The following ACCSL variants were observed in gnomAD, a reference collection of about 807,000 sequenced individuals.
The protein encoded by ACCSL is 1-aminocyclopropane-1-carboxylate synthase homolog (inactive) like.
A neutral mutation model predicts 61.7 loss-of-function variants in ACCSL; 55 were observed. The observed-to-expected ratio is 0.89, with a 90% CI of 0.72 to 1.12. ACCSL has a LOEUF of 1.12. ACCSL is among the 50% of genes most tolerant of loss of function. ACCSL has a pLI of 0.00. For missense variants in ACCSL, 632 were observed against 698.0 expected (o/e 0.91, Z 1.07); for synonymous variants, 258 against 264.3 (o/e 0.98, Z 0.23).
At chr11:43,933,451 G>C in the ACCSL span, 1 of 215,822 alleles carries the variant, frequency 4.6e-6, no homozygotes, top group African/African-American at 2.2e-5. Context: ...CCCCTCTCTG[G>C]TCTTCTCTGT....
At chr11:43,982,763 T>A in the ACCSL span, among the ~76,000 whole-genome samples, 13 of 152,130 alleles carry the variant, frequency 8.5e-5, no homozygotes, top group Non-Finnish European at 2.9e-5. Flanking sequence ...AAGTCATTCC[T>A]CCTGTGGAGG....
chr11:44,014,060 G>A, the ACCSL span, among the ~76,000 whole-genome samples: 1 of 152,250 alleles, frequency 6.6e-6, no homozygotes, highest in African/African-American at 2.4e-5. Context: ...GCAGATAAGG[G>A]TTCTTTTTGT....
At chr11:44,010,147 C>A in the ACCSL span, among the ~76,000 whole-genome samples, 1 of 152,158 alleles carries the variant, frequency 6.6e-6, no homozygotes, top group African/African-American at 2.4e-5. Context: ...TTGAGACCAG[C>A]CTGACCAACA....
the ACCSL span, among the ~76,000 whole-genome samples, chr11:43,930,267 C>G: frequency 6.6e-6 from 1 of 152,284 alleles, no homozygotes; most frequent in Non-Finnish European, 1.5e-5. Context: ...CTGCCTCTGG[C>G]TCCTGGGAAA....
the ACCSL span, among the ~76,000 whole-genome samples, chr11:44,038,290 C>A: frequency 6.6e-6 from 1 of 151,978 alleles, no homozygotes; most frequent in Non-Finnish European, 1.5e-5. Context: ...ACAGAGTAGC[C>A]CAGACGCTGG....
chr11:43,980,311 C>T, the ACCSL span, among the ~76,000 whole-genome samples: 1 of 152,190 alleles, frequency 6.6e-6, no homozygotes, highest in African/African-American at 2.4e-5. Context: ...AGGAGATGTT[C>T]TCATAAGTAA....
the ACCSL span, among the ~76,000 whole-genome samples, chr11:44,031,412 T>C: frequency 6.6e-6 from 1 of 152,142 alleles, no homozygotes; most frequent in Non-Finnish European, 1.5e-5. Context: ...TGGTATTGAT[T>C]TTTGAAGATG....
chr11:44,056,393 G>A, intron 11 of ACCSL, 67 bp downstream of exon 11: 3 of 1,550,292 alleles, frequency 1.9e-6, no homozygotes, highest in Non-Finnish European at 1.7e-6. Flanking sequence ...TCTTGGATTT[G>A]CTTGGGCCTC....
rs976611901 is a variant in ACCSL, at chr11:44,051,781, C to T, written c.772+62C>T. On this transcript the variant is annotated intron_variant, in intron 5 of 13. Coordinates refer to ENST00000378832, the MANE Select transcript of ACCSL (RefSeq NM_001031854.2). ...TACTAGCAACACAGGTAGGAACACACGGGCACTGGACTTTGAGGAAGAAGA... is the reference window on the plus strand; with the variant it reads ...TACTAGCAACACAGGTAGGAACACATGGGCACTGGACTTTGAGGAAGAAGA... 5.2e-5 allele frequency: 83 copies of T among 1,590,380 alleles called. No homozygotes were observed. The East Asian group carries it at 1.5e-3, about 28-fold the overall frequency.
At chr11:43,926,458 G>C in the ACCSL span, 1 of 455,508 alleles carries the variant, frequency 2.2e-6, no homozygotes, top group Non-Finnish European at 4.4e-6. Flanking sequence ...TGTACAGAAC[G>C]CCTTGGCCTG....
chr11:43,959,614 C>A, the ACCSL span, among the ~76,000 whole-genome samples: 1 of 152,168 alleles, frequency 6.6e-6, no homozygotes, highest in Admixed American at 6.5e-5. Flanking sequence ...CAGACCCTAG[C>A]CCTGGCTCTA....
the ACCSL span, among the ~76,000 whole-genome samples, chr11:43,937,689 C>G: frequency 6.6e-6 from 1 of 152,028 alleles, no homozygotes; most frequent in East Asian, 1.9e-4. Flanking sequence ...ACTGCCACCT[C>G]CACCCCTCAC....
At chr11:43,937,795 T>TCAGAG in the ACCSL span, among the ~76,000 whole-genome samples, 2 of 152,086 alleles carry the variant, frequency 1.3e-5, no homozygotes, top group Non-Finnish European at 2.9e-5. Flanking sequence ...AGACCCCAAG[T>TCAGAG]TAGAGTAGTT....
At chr11:44,028,823 T>C in the ACCSL span, among the ~76,000 whole-genome samples, 1 of 152,254 alleles carries the variant, frequency 6.6e-6, no homozygotes, top group African/African-American at 2.4e-5. Flanking sequence ...ATGAGGGTCA[T>C]GTGGAATCAT....
chr11:44,011,316 T>G, the ACCSL span, among the ~76,000 whole-genome samples: 1 of 152,208 alleles, frequency 6.6e-6, no homozygotes, highest in African/African-American at 2.4e-5. Context: ...GCACTCATCG[T>G]GGTCCTAGCT....
the ACCSL span, among the ~76,000 whole-genome samples, chr11:44,039,498 C>CG: frequency 6.7e-6 from 1 of 150,232 alleles, no homozygotes; most frequent in Non-Finnish European, 1.5e-5. Flanking sequence ...TTTGGGGACT[C>CG]GGGGGGAAAG....
At chr11:43,997,356 G>A in the ACCSL span, among the ~76,000 whole-genome samples, 17 of 152,126 alleles carry the variant, frequency 1.1e-4, no homozygotes, top group Admixed American at 5.2e-4. Flanking sequence ...GGATTCTTCC[G>A]GCTTCCTCCT....
intron 6 of ACCSL, 78 bp from the exon 7 acceptor site, chr11:44,052,912 AG>A: frequency 6.6e-7 from 1 of 1,509,706 alleles, no homozygotes; most frequent in Non-Finnish European, 9.2e-7. Flanking sequence ...ATGAAGGCAA[AG>A]GATTGCGGGG....
chr11:43,989,687 G>T, the ACCSL span, among the ~76,000 whole-genome samples: 2 of 152,234 alleles, frequency 1.3e-5, no homozygotes, highest in African/African-American at 4.8e-5. Context: ...TTGGGGCAGA[G>T]GACTTTCCAC....
Sources: allele counts gnomAD v4.1 joint callset (sites outside exome capture counted in the v4.1 genomes callset), GRCh38; gene constraint gnomAD v4.1.1; transcripts MANE v1.5; gene names NCBI Gene and HGNC (gene_info 2026-07-23, HGNC 2026-07-21).